The following NECTIN3 variants were observed in gnomAD, a reference collection of about 807,000 sequenced individuals.
NECTIN3 encodes the protein nectin cell adhesion molecule 3, also known as nectin-3.
NECTIN3 carries 8 observed loss-of-function variants against 49.4 expected under a neutral mutation model. The ratio of observed to expected loss-of-function variants is 0.16; its 90% CI spans 0.10 to 0.29. The LOEUF is 0.29. NECTIN3 is among the 10% of genes least tolerant of loss of function. NECTIN3 has a pLI of 1.00. For missense variants in NECTIN3, 581 were observed against 654.6 expected, an observed-to-expected ratio of 0.89 and a Z score of 1.23; for synonymous variants, 277 against 241.1, an observed-to-expected ratio of 1.15 and a Z score of -1.38.
At position 111,119,728 on chromosome 3, in the gene NECTIN3, A is replaced by C. The variant is rs1000283150; in HGVS notation, c.799+776A>C. On this transcript the variant is annotated intron_variant, in intron 3 of 5. Transcript: ENST00000485303. ...GATTTGTATACCATTTAAAAATTTC[A>C]GGTAGTAAAAAAGGTGATGGCTGCA... 3.3e-5 allele frequency among the ~76,000 whole-genome samples: 5 copies of C among 152,228 alleles called. No homozygotes were observed. The East Asian group carries it at 9.6e-4, about 29-fold the overall frequency.
upstream of NECTIN3, among the ~76,000 whole-genome samples, chr3:111,191,603 GTGGGGATAAGGA>G (rs1459654685): frequency 2.0e-5 from 3 of 151,838 alleles, no homozygotes; most frequent in Admixed American, 1.3e-4. Flanking sequence ...TGGGGGGAGG[GTGGGGATAAGGA>G]TGGAAGATTA....
chr3:111,148,026 A>G (rs537250889), intron 7 of NECTIN3, among the ~76,000 whole-genome samples: 1 of 152,306 alleles, frequency 6.6e-6, no homozygotes, highest in East Asian at 1.9e-4. Flanking sequence ...GTTGTAAACT[A>G]TCAGAATATT....
At chr3:111,097,425 A>C (rs2032655206) in intron 1 of NECTIN3, among the ~76,000 whole-genome samples, 1 of 152,134 alleles carries the variant, frequency 6.6e-6, no homozygotes, top group Admixed American at 6.6e-5. Flanking sequence ...AAATGAGTTA[A>C]GGCTTTGGGG....
At position 111,147,505 on chromosome 3, in the gene NECTIN3, TTAAGA is replaced by T. The variant is rs149522215; in HGVS notation, c.1221+25_1221+29del. ...TTCAGGTATGTGTTCATGAGTACAC[TTAAGA>T]TAATGTAAGATACAATTTAAAAAAT... is the stretch of plus-strand genomic sequence containing the variant. On this transcript the variant is annotated intron_variant, in intron 7 of 8. Coordinates refer to the NECTIN3 transcript ENST00000493615. The T allele has an allele frequency of 1.8e-3, 2,676 of 1,453,628 alleles. 50 individuals carry two copies. The African/African-American group carries it at 0.032, about 17-fold the overall frequency. 90.0% of individuals were successfully genotyped at this position (1,453,628 alleles called of 1,614,324 possible).
At chr3:111,125,847 A>G (rs2034143429) in intron 4 of NECTIN3, among the ~76,000 whole-genome samples, 1 of 152,136 alleles carries the variant, frequency 6.6e-6, no homozygotes, top group Non-Finnish European at 1.5e-5. Flanking sequence ...TATTGTATGT[A>G]TGTCTTCAAA....
chr3:111,129,726 G>A (rs188858516), intron 5 of NECTIN3, among the ~76,000 whole-genome samples: 54 of 151,524 alleles, frequency 3.6e-4, no homozygotes, highest in South Asian at 6.3e-4. Flanking sequence ...TTGGCTCACT[G>A]CAACCTCTGC....
chr3:111,120,511 A>AT (rs1428514164), intron 3 of NECTIN3, among the ~76,000 whole-genome samples: 1 of 152,136 alleles, frequency 6.6e-6, no homozygotes, highest in East Asian at 1.9e-4. Context: ...TTTCAGCAAC[A>AT]TTTTTTAGTA....
intron 2 of NECTIN3, among the ~76,000 whole-genome samples, chr3:111,115,927 G>A (rs923995714): frequency 3.0e-5 from 2 of 66,302 alleles, no homozygotes; most frequent in African/African-American, 6.3e-5. Context: ...AGTTAAATGG[G>A]CACATCTGAA....
intron 7 of NECTIN3, among the ~76,000 whole-genome samples, chr3:111,156,909 A>T (rs1270482999): frequency 6.6e-6 from 1 of 152,110 alleles, no homozygotes; most frequent in Non-Finnish European, 1.5e-5. Flanking sequence ...ACATCCCATT[A>T]TTTGATTTAT....
At chr3:111,130,369 G>A (rs561925574) in intron 5 of NECTIN3, among the ~76,000 whole-genome samples, 13 of 151,862 alleles carry the variant, frequency 8.6e-5, no homozygotes, top group Admixed American at 3.3e-4. Context: ...ACTGCTTGGA[G>A]TATGTCAGGT....
chr3:111,133,452 G>C (rs2034462769), intron 5 of NECTIN3, among the ~76,000 whole-genome samples, 183 bp from the exon 6 acceptor site: 1 of 152,014 alleles, frequency 6.6e-6, no homozygotes, highest in Non-Finnish European at 1.5e-5. Flanking sequence ...TGTCAGTGTT[G>C]TTTTCTTTTT....
intron 5 of NECTIN3, among the ~76,000 whole-genome samples, chr3:111,127,325 C>T (rs2034202977): frequency 6.6e-6 from 1 of 152,178 alleles, no homozygotes; most frequent in African/African-American, 2.4e-5. Flanking sequence ...TCTTAGAGCA[C>T]TCACCACAGT....
chr3:111,147,351 T>TC (rs2034897416), intron 6 of NECTIN3: 2 of 1,291,458 alleles, frequency 1.5e-6, no homozygotes, highest in East Asian at 5.2e-5. Context: ...TCTTTTGCTT[T>TC]TTTTTTTTTT....
chr3:111,072,586 AG>A, intron 1 of NECTIN3: 1 of 1,534,128 alleles, frequency 6.5e-7, no homozygotes, highest in African/African-American at 1.4e-5. Flanking sequence ...CAGAAACCCT[AG>A]GGACCGGAGC....
chr3:111,188,277 T>A (rs2107536902), upstream of NECTIN3, among the ~76,000 whole-genome samples: 1 of 152,294 alleles, frequency 6.6e-6, no homozygotes, highest in East Asian at 1.9e-4. Flanking sequence ...AGATACATAA[T>A]GCTTTCCATA....
chr3:111,071,976 C>T lies in NECTIN3; in HGVS notation c.-42C>T. ...GCCTGAGGCGCCGGGGCCGGGGGAG[C>T]CGGGGGGCGGGCGGGCGAGCGGGCC... is the stretch of plus-strand genomic sequence containing the variant. On this transcript the variant is annotated 5_prime_UTR_variant, in exon 1 of 6. Coordinates refer to ENST00000485303, the MANE Select transcript of NECTIN3 (RefSeq NM_015480.3). The T allele has an allele frequency of 1.5e-6, 2 of 1,356,128 alleles. No individual in the cohort carries two copies. The highest frequency in any genetic ancestry group is 3.1e-5 in the Admixed American group (1 of 32,124). The allele number at this position is 1,356,128 out of a possible 1,614,324, so 84.0% of individuals were successfully genotyped here. A position where few individuals can be genotyped will look rare whatever the true frequency, so the allele number is the denominator to read the frequency against.
intron 1 of NECTIN3, chr3:111,075,105 AAC>A (rs1448570796): frequency 1.3e-5 from 2 of 152,122 alleles, no homozygotes; most frequent in African/African-American, 4.8e-5. Flanking sequence ...TTGGGGACAT[AAC>A]ACACGCATAA....
Position 111,134,250 on chromosome 3 carries a change from T to C in NECTIN3, c.*35T>C. 1 of 1,528,652 alleles carries C rather than the reference T, an allele frequency of 6.5e-7. No individual in the cohort carries two copies. 94.7% of individuals were successfully genotyped at this position (1,528,652 alleles called of 1,614,324 possible). On this transcript the variant is annotated 3_prime_UTR_variant, in exon 6 of 6. Coordinates refer to ENST00000485303, the MANE Select transcript of NECTIN3 (RefSeq NM_015480.3). ...AATGTGACTTAACTATGTACAATGT[T>C]CATTCACACTAGTTGATCATTTTCA...
At position 111,072,303 on chromosome 3, in the gene NECTIN3, G is replaced by C. The variant is rs951238078; in HGVS notation, c.160+126G>C. 24 of 1,438,360 alleles carry C rather than the reference G, an allele frequency of 1.7e-5. No homozygotes were observed. In the African/African-American group the frequency reaches 3.1e-4, roughly 19 times the overall value. The allele number at this position is 1,438,360 out of a possible 1,614,324, so 89.1% of individuals were successfully genotyped here. A position where few individuals can be genotyped will look rare whatever the true frequency, so the allele number is the denominator to read the frequency against. On this transcript the variant is annotated intron_variant, in intron 1 of 5. Transcript: ENST00000485303. The stretch of plus-strand genomic sequence containing the variant: ...GTTGGTTGTGCGAGCGAGTGCCGAG[G>C]ACTTTGGCTGGAAACTTTTCGCCGC...
Sources: gnomAD v4.1 joint callset for allele counts (sites outside exome capture counted in the v4.1 genomes callset) on GRCh38, gnomAD v4.1.1 for gene constraint, MANE v1.5 for transcripts, NCBI Gene and HGNC (gene_info 2026-07-23, HGNC 2026-07-21) for gene names.